ARFGEF2: variants seen among roughly 807,000 people sequenced by gnomAD.
The protein encoded by ARFGEF2 is ARF guanine nucleotide exchange factor 2, also known as brefeldin A-inhibited guanine nucleotide-exchange protein 2.
In ARFGEF2, 74 loss-of-function variants were observed where a neutral mutation model predicts 219.9. The ratio of observed to expected loss-of-function variants is 0.34; its 90% CI spans 0.28 to 0.41. ARFGEF2 has a LOEUF of 0.41. ARFGEF2 is among the 10% of genes least tolerant of loss of function. The pLI, the probability that ARFGEF2 is intolerant of heterozygous loss-of-function variation, is 1.00. For synonymous variants in ARFGEF2, 733 were observed against 799.2 expected (o/e 0.92, Z 1.40); for missense variants, 1,743 against 2,218.3 (o/e 0.79, Z 4.30).
intron 25 of ARFGEF2, among the ~76,000 whole-genome samples, chr20:49,001,705 A>ATC (rs1352799757): frequency 1.3e-5 from 2 of 152,160 alleles, no homozygotes; most frequent in African/African-American, 4.8e-5. Context: ...TCCCCCACAC[A>ATC]TCTGGCCCTC....
At chr20:48,994,356 G>T in intron 21 of ARFGEF2, 95 bp from the exon 22 acceptor site, 2 of 1,520,346 alleles carry the variant, frequency 1.3e-6, no homozygotes, top group Non-Finnish European at 1.8e-6. Flanking sequence ...TAACTCCATT[G>T]AACCAACTTT....
intron 17 of ARFGEF2, 37 bp downstream of exon 17, chr20:48,988,425 A>G: frequency 1.9e-6 from 3 of 1,610,720 alleles, no homozygotes; most frequent in African/African-American, 2.7e-5. Flanking sequence ...TGTATTAGCT[A>G]AATAAGTGGC....
At chr20:49,005,915 T>C (rs967411915) in intron 26 of ARFGEF2, among the ~76,000 whole-genome samples, 1 of 152,198 alleles carries the variant, frequency 6.6e-6, no homozygotes, top group African/African-American at 2.4e-5. Context: ...CCGGGCCCTG[T>C]GAAGCAGCCG....
At chr20:48,970,320 A>C (rs1171028379) in intron 9 of ARFGEF2, among the ~76,000 whole-genome samples, 2 of 151,824 alleles carry the variant, frequency 1.3e-5, no homozygotes, top group Admixed American at 1.3e-4. Context: ...ATTTTAAAAA[A>C]TAAAAATAGG....
chr20:48,943,174 CAAG>C (rs945120458), intron 3 of ARFGEF2, among the ~76,000 whole-genome samples: 1 of 152,130 alleles, frequency 6.6e-6, no homozygotes, highest in Non-Finnish European at 1.5e-5. Context: ...GAGAGTGAAA[CAAG>C]GAGGCATAGT....
chr20:49,032,952 C>T (rs1016947142), intron 38 of ARFGEF2, 71 bp from the exon 39 acceptor site: 113 of 1,415,786 alleles, frequency 8.0e-5, no homozygotes, highest in Non-Finnish European at 1.1e-4. Context: ...GTGAGATTAA[C>T]ACTTCTGAAA....
intron 10 of ARFGEF2, among the ~76,000 whole-genome samples, chr20:48,972,000 T>C (rs1314830699): frequency 6.6e-6 from 1 of 152,256 alleles, no homozygotes; most frequent in Non-Finnish European, 1.5e-5. Flanking sequence ...CTGTTTGGTC[T>C]GTAAATTGTT....
Position 48,973,396 on chromosome 20 carries a change from G to T in ARFGEF2, c.1665+112G>T, listed in dbSNP as rs1248198320. The T allele has an allele frequency of 4.4e-6, 5 of 1,131,778 alleles. No homozygotes were observed. The East Asian group carries it at 1.0e-4, about 23-fold the overall frequency. 70.1% of individuals were successfully genotyped at this position (1,131,778 alleles called of 1,614,324 possible). On this transcript the variant is annotated intron_variant, in intron 12 of 38. Coordinates refer to ENST00000371917, the MANE Select transcript of ARFGEF2 (RefSeq NM_006420.3). ...CCTTGATACAGCAGTGAACAAAACA[G>T]GAATGCATATTCACACACTTCCTGC...
At chr20:48,999,116 T>A (rs918716113) in intron 25 of ARFGEF2, 5 of 344,840 alleles carry the variant, frequency 1.4e-5, no homozygotes, top group African/African-American at 1.1e-4. Context: ...TGTGCACCTG[T>A]AATCCCAGCT....
At chr20:48,944,518 G>A (rs1164183924) in intron 3 of ARFGEF2, among the ~76,000 whole-genome samples, 6 of 152,128 alleles carry the variant, frequency 3.9e-5, no homozygotes, top group Non-Finnish European at 8.8e-5. Context: ...GCAGTGGCGC[G>A]ATCGTGGCTC....
intron 3 of ARFGEF2, among the ~76,000 whole-genome samples, chr20:48,945,707 A>C (rs1188457510): frequency 6.6e-6 from 1 of 152,218 alleles, no homozygotes; most frequent in Non-Finnish European, 1.5e-5. Flanking sequence ...TAAAGTAAAA[A>C]TAAAAAGTTA....
At position 48,951,576 on chromosome 20, in the gene ARFGEF2, G is replaced by A. The variant is rs1021430718; in HGVS notation, c.423+107G>A. ...GTTAGTTGTCTCAGGTGGTGCTGAGGTGGAACAGAAAGATTTAAGCGTCAC... is the reference window on the plus strand; with the variant it reads ...GTTAGTTGTCTCAGGTGGTGCTGAGATGGAACAGAAAGATTTAAGCGTCAC... On this transcript the variant is annotated intron_variant, in intron 4 of 38. Transcript: ENST00000371917. The A allele has an allele frequency of 6.2e-6, 9 of 1,445,884 alleles. No homozygotes were observed. The African/African-American group carries it at 9.8e-5, about 16-fold the overall frequency. 89.6% of individuals were successfully genotyped at this position (1,445,884 alleles called of 1,614,324 possible). A position where few individuals can be genotyped will look rare whatever the true frequency, so the allele number is the denominator to read the frequency against.
Position 48,989,646 on chromosome 20 carries a change from C to T in ARFGEF2, c.2776C>T (p.Arg926Ter). 1.2e-6 allele frequency: 2 copies of T among 1,614,162 alleles called. No homozygotes were observed. The highest frequency in any genetic ancestry group is 1.7e-6 in the Non-Finnish European group (2 of 1,180,030). The change falls in exon 20 of 39, where the codon CGA (arginine) becomes TGA (stop). Residue 926 changes from arginine (R) to a stop codon, truncating the protein, a stop_gained. Coordinates refer to ENST00000371917, the MANE Select transcript of ARFGEF2 (RefSeq NM_006420.3). LOFTEE classifies it high-confidence loss of function. ...GGCCTCCTTGTGTTTGGAAGGCATC[C>T]GATGTGCAATCCGAATCGCCTGCAT... ...EVASLCLEGIRCAIRIACIFG... is the reference protein window; with the variant it reads ...EVASLCLEGI
chr20:48,998,152 A>T, intron 23 of ARFGEF2, 41 bp from the exon 24 acceptor site: 1 of 1,601,126 alleles, frequency 6.2e-7, no homozygotes, highest in Non-Finnish European at 8.5e-7. Flanking sequence ...GAGCCACCAC[A>T]CCCGGTCTAA....
chr20:48,966,843 G>A (rs889340647), intron 8 of ARFGEF2, among the ~76,000 whole-genome samples: 15 of 152,068 alleles, frequency 9.9e-5, no homozygotes, highest in African/African-American at 3.4e-4. Context: ...AATAATAAGG[G>A]TTTGTTGTTC....
chr20:48,961,162 C>G (rs1412565595), intron 6 of ARFGEF2, among the ~76,000 whole-genome samples: 1 of 150,098 alleles, frequency 6.7e-6, no homozygotes, highest in Non-Finnish European at 1.5e-5. Context: ...ACATTTTTAC[C>G]TTATAAACAA....
intron 1 of ARFGEF2, among the ~76,000 whole-genome samples, chr20:48,925,427 G>A (rs1310854273): frequency 3.3e-5 from 5 of 152,006 alleles, no homozygotes; most frequent in Admixed American, 2.6e-4. Context: ...TTTTATAATT[G>A]TCTTATTTAA....
chr20:48,994,439 T>C lies in ARFGEF2; in HGVS notation c.2974-12T>C, dbSNP rs1452246090. 1 of 1,613,974 alleles carries C rather than the reference T, an allele frequency of 6.2e-7. No homozygotes were observed. Among genetic ancestry groups the C allele is most frequent in the South Asian group, 1.1e-5 (1 of 91,082 alleles). On this transcript the variant is annotated splice_polypyrimidine_tract_variant and intron_variant, in intron 21 of 38. Coordinates refer to ENST00000371917, the MANE Select transcript of ARFGEF2 (RefSeq NM_006420.3). The stretch of plus-strand genomic sequence containing the variant: ...GGTAGGAACTCATTTCTTCATGCCT[T>C]CTTTCTCTTAGATCTTGAAATGCAT...
chr20:48,927,327 G>T (rs2090884148), intron 1 of ARFGEF2, among the ~76,000 whole-genome samples: 1 of 151,968 alleles, frequency 6.6e-6, no homozygotes, highest in African/African-American at 2.4e-5. Flanking sequence ...ATTTTGATGT[G>T]TTCAGAAAAA....
Sources: gnomAD v4.1 joint callset for allele counts (sites outside exome capture counted in the v4.1 genomes callset) on GRCh38, gnomAD v4.1.1 for gene constraint, MANE v1.5 for transcripts, NCBI Gene and HGNC (gene_info 2026-07-23, HGNC 2026-07-21) for gene names.